Variants in RFX2 observed in about 807,000 individuals in gnomAD.
RFX2 encodes DNA-binding protein RFX2.
A neutral mutation model predicts 87.8 loss-of-function variants in RFX2; 20 were observed. That is an observed-to-expected ratio of 0.23 (90% confidence interval 0.16 to 0.33). The LOEUF (loss-of-function observed/expected upper bound fraction) is 0.33, where lower values mean the gene tolerates loss of function less well. Ranked by LOEUF, RFX2 falls within the 10% of genes least tolerant of loss-of-function variation. The pLI is 1.00. For missense variants in RFX2, 767 were observed against 1,012.3 expected, an observed-to-expected ratio of 0.76 and a Z score of 3.29; for synonymous variants, 397 against 431.3, an observed-to-expected ratio of 0.92 and a Z score of 0.98.
chr19:6,106,506 T>C (rs929452008), intron 1 of RFX2, among the ~76,000 whole-genome samples: 8 of 152,214 alleles, frequency 5.3e-5, no homozygotes, highest in African/African-American at 1.2e-4. Context: ...CTGGCCTGAA[T>C]TGACATGAAG....
rs1019414532 is a variant in RFX2 at position 5,998,520 on chromosome 19, C to G, written c.1860-1307G>C. Among the ~76,000 whole-genome samples the G allele has an allele frequency of 6.6e-6, 1 of 152,188 alleles. No homozygotes were observed. The highest frequency in any genetic ancestry group is 2.4e-5 in the African/African-American group (1 of 41,436). On this transcript the variant is annotated intron_variant, in intron 15 of 17. Transcript: ENST00000303657. The surrounding 1 kb of genome is among the most constrained non-coding windows in gnomAD (Gnocchi z 4.2). ...GACACAGGCTTGAGAAAGGCAAAGA[C>G]AGCCGCACTATGAAGACCACCAAAG...
At chr19:6,042,401 G>A (rs2087123886) in intron 3 of RFX2, among the ~76,000 whole-genome samples, 1 of 152,204 alleles carries the variant, frequency 6.6e-6, no homozygotes, top group Non-Finnish European at 1.5e-5. Flanking sequence ...ACGTGGGGGC[G>A]GGACCAGGAG....
intron 5 of RFX2, among the ~76,000 whole-genome samples, chr19:6,037,483 G>A (rs2144757466): frequency 6.6e-6 from 1 of 152,164 alleles, no homozygotes; most frequent in Admixed American, 6.5e-5. Context: ...AACAAAACAT[G>A]TACAGAATTT....
At position 5,994,745 on chromosome 19, in the gene RFX2, G is replaced by T; in HGVS notation, c.*90C>A. 1.3e-6 allele frequency: 1 copy of T among 795,610 alleles called. No homozygotes were observed. The highest frequency in any genetic ancestry group is 2.1e-6 in the Non-Finnish European group (1 of 477,266). 49.3% of individuals were successfully genotyped at this position (795,610 alleles called of 1,614,324 possible). On this transcript the variant is annotated 3_prime_UTR_variant, in exon 18 of 18. Transcript: ENST00000303657. ...AAGTAAACATCACATCATCTAAGAG[G>T]CACTAATTTGGTGGAGCCGGTGAAA...
At chr19:6,096,809 G>C (rs753312385) in intron 1 of RFX2, among the ~76,000 whole-genome samples, 1 of 152,060 alleles carries the variant, frequency 6.6e-6, no homozygotes. Context: ...TTAATTCAAC[G>C]CACTCCTGGT....
intron 6 of RFX2, among the ~76,000 whole-genome samples, chr19:6,019,155 C>A (rs548578131): frequency 3.5e-4 from 53 of 152,146 alleles, no homozygotes; most frequent in African/African-American, 1.2e-3. Flanking sequence ...CTTGGCTGTG[C>A]CCATAACCAC....
chr19:6,065,771 C>T (rs1568531513), intron 1 of RFX2, among the ~76,000 whole-genome samples: 3 of 152,006 alleles, frequency 2.0e-5, no homozygotes, highest in Non-Finnish European at 2.9e-5. Flanking sequence ...CAAAGTGAAT[C>T]GTCCTTAAAA....
rs534568512 is a variant in RFX2, at chr19:5,996,763, C to T, written c.2013+297G>A. Among the ~76,000 whole-genome samples the T allele has an allele frequency of 9.2e-5, 14 of 152,364 alleles. No homozygotes were observed. In the East Asian group the frequency reaches 9.6e-4, roughly 10 times the overall value. On this transcript the variant is annotated intron_variant, in intron 16 of 17. Coordinates refer to ENST00000303657, the MANE Select transcript of RFX2 (RefSeq NM_000635.4). The stretch of plus-strand genomic sequence containing the variant: ...CCGAGGCCTCCCCTGTGTGGCGGGA[C>T]GCCCAAGGACAACCTCCTTCCAGAG...
chr19:6,094,620 G>A (rs748488826), intron 1 of RFX2, among the ~76,000 whole-genome samples: 1 of 152,144 alleles, frequency 6.6e-6, no homozygotes, highest in Non-Finnish European at 1.5e-5. Context: ...CTGTGCAGTC[G>A]GTATAGAAGC....
At chr19:6,088,730 A>C (rs896016943) in intron 1 of RFX2, among the ~76,000 whole-genome samples, 12 of 152,190 alleles carry the variant, frequency 7.9e-5, no homozygotes, top group African/African-American at 2.9e-4. Context: ...CATCACATTC[A>C]TATACACATG....
Position 5,993,941 on chromosome 19 carries a change from G to T in RFX2, c.*894C>A, listed in dbSNP as rs2086368608. ...CGCGGGATGGCTGCTTTCTGAAGTT[G>T]TGGCTGTGACACTGACCCTGTTGGA... On this transcript the variant is annotated 3_prime_UTR_variant, in exon 18 of 18. Coordinates refer to ENST00000303657, the MANE Select transcript of RFX2 (RefSeq NM_000635.4). The T allele has an allele frequency of 6.6e-6, 1 of 152,314 alleles. No homozygotes were observed. The highest frequency in any genetic ancestry group is 1.5e-5 in the Non-Finnish European group (1 of 68,098). The allele number at this position is 152,314 out of a possible 1,614,324, so 9.4% of individuals were successfully genotyped here.
intron 15 of RFX2, among the ~76,000 whole-genome samples, chr19:6,000,027 C>G (rs1003419131): frequency 2.6e-5 from 4 of 151,756 alleles, no homozygotes; most frequent in Non-Finnish European, 5.9e-5. Context: ...TCCTGTTGCC[C>G]AGGCTGGAGT....
chr19:6,080,895 G>C (rs1484587972), intron 1 of RFX2, among the ~76,000 whole-genome samples: 2 of 152,036 alleles, frequency 1.3e-5, no homozygotes, highest in East Asian at 3.9e-4. Context: ...AATTAGCTGG[G>C]TGTGGTGATG....
intron 15 of RFX2, among the ~76,000 whole-genome samples, chr19:6,000,169 G>A (rs1252142509): frequency 6.6e-6 from 1 of 152,122 alleles, no homozygotes; most frequent in Non-Finnish European, 1.5e-5. Flanking sequence ...ATTTTTAGTA[G>A]AGATGGGGTT....
At chr19:6,105,112 G>A (rs773143893) in intron 1 of RFX2, among the ~76,000 whole-genome samples, 12 of 136,724 alleles carry the variant, frequency 8.8e-5, no homozygotes, top group Admixed American at 8.1e-4. Flanking sequence ...GTGAGACTCC[G>A]TCTCACAAAA....
In RFX2 at chr19:6,042,107, TGCTGCACCG is replaced by T; in HGVS notation, c.188_196del (p.Pro63_Gln65del). On this transcript the variant is annotated inframe_deletion, in exon 4 of 18. Transcript: ENST00000303657. ...GTACTGCACCTGGGCAGGATACACG[TGCTGCACCG>T]GCTGCACCTGAAACATCGGATACGC... The T allele has an allele frequency of 6.2e-7, 1 of 1,613,930 alleles. No individual in the cohort carries two copies. The highest frequency in any genetic ancestry group is 8.5e-7 in the Non-Finnish European group (1 of 1,180,010).
At position 6,016,103 on chromosome 19, in the gene RFX2, G is replaced by A; in HGVS notation, c.766C>T (p.Arg256Trp). Residue 256 changes from arginine to tryptophan, a missense_variant, in exon 7 of 18, where the codon CGG becomes TGG. Physicochemically the swap from Arg to Trp is moderately radical, Grantham distance 101. Transcript: ENST00000303657. This position sits in a 1 kb window ranked among gnomAD's most constrained non-coding sequence, Gnocchi z 5.4. ...TCGTCTACCCACCTGGTGCCCAGCC[G>A]CCGCGTTCTCAGCCCCATAAACACA... ...RSVFMGLRTRRLGTRGNSKYH... is the reference protein window; with the variant it reads ...RSVFMGLRTRWLGTRGNSKYH... The A allele has an allele frequency of 6.2e-7, 1 of 1,603,858 alleles. No homozygotes were observed. The highest frequency in any genetic ancestry group is 1.7e-5 in the Admixed American group (1 of 58,730).
rs536447901 is a variant in RFX2, at chr19:5,994,095, G to A, written c.*740C>T. On this transcript the variant is annotated 3_prime_UTR_variant, in exon 18 of 18. Coordinates refer to ENST00000303657, the MANE Select transcript of RFX2 (RefSeq NM_000635.4). ...GACACTGCTGTGTCCTGGCACGAGC[G>A]AGCCCGTTTCTGTGGCTTGTTCTTT... The A allele has an allele frequency of 2.6e-5, 4 of 152,254 alleles. No homozygotes were observed. Among genetic ancestry groups the A allele is most frequent in the Non-Finnish European group, 5.9e-5 (4 of 68,052 alleles). The allele number at this position is 152,254 out of a possible 1,614,324, so 9.4% of individuals were successfully genotyped here.
chr19:6,082,293 CAAAA>C (rs34361456), intron 1 of RFX2, among the ~76,000 whole-genome samples: 6 of 99,906 alleles, frequency 6.0e-5, no homozygotes, highest in Non-Finnish European at 8.4e-5. Flanking sequence ...GACCCTGTCT[CAAAA>C]AAAAAAAAAA....
Sources: gnomAD v4.1 joint callset for allele counts (sites outside exome capture counted in the v4.1 genomes callset) on GRCh38, gnomAD v4.1.1 for gene constraint, Gnocchi (gnomAD v3.1) non-coding constraint, MANE v1.5 for transcripts, NCBI Gene and HGNC (gene_info 2026-07-23, HGNC 2026-07-21) for gene names.